The following SNX15 variants were observed in gnomAD, a reference collection of about 807,000 sequenced individuals.
SNX15 encodes the protein sorting nexin-15.
Under a neutral mutation model 35.2 loss-of-function variants are expected in SNX15, and 29 were observed. The ratio of observed to expected loss-of-function variants is 0.82; its 90% CI spans 0.61 to 1.12. SNX15 has a LOEUF of 1.12. SNX15 is among the 50% of genes most tolerant of loss of function. SNX15 has a pLI of 0.00. For synonymous variants in SNX15, 189 were observed against 188.2 expected (o/e 1.00, Z -0.03); for missense variants, 400 against 451.5 (o/e 0.89, Z 1.03).
At chr11:65,031,287 G>C (rs995199796) in intron 1 of SNX15, among the ~76,000 whole-genome samples, 1 of 152,214 alleles carries the variant, frequency 6.6e-6, no homozygotes, top group African/African-American at 2.4e-5. Flanking sequence ...GCCCCCTAAA[G>C]TGCTGGCATT....
intron 7 of SNX15, among the ~76,000 whole-genome samples, 198 bp downstream of exon 7, chr11:65,039,027 C>CTATTTTTTTTTTTTTTTTTTTTT (rs1946537688): frequency 1.5e-5 from 1 of 67,782 alleles, no homozygotes; most frequent in South Asian, 4.5e-4. Context: ...TTTCTTCTTC[C>CTATTTTTTTTTTTTTTTTTTTTT]TCTTTTTTTT....
At chr11:65,031,983 C>T (rs1319413605) in intron 1 of SNX15, among the ~76,000 whole-genome samples, 185 bp from the exon 2 acceptor site, 4 of 152,068 alleles carry the variant, frequency 2.6e-5, no homozygotes, top group Admixed American at 2.0e-4. Flanking sequence ...AACTGAGGTA[C>T]ATAGTAGGAA....
At chr11:65,033,278 C>T (rs1404440434) in intron 3 of SNX15, among the ~76,000 whole-genome samples, 2 of 151,972 alleles carry the variant, frequency 1.3e-5, no homozygotes, top group South Asian at 2.1e-4. Context: ...GGTGTGATGG[C>T]TCACACCTGT....
chr11:65,034,352 CA>C (rs1946475140), intron 3 of SNX15, among the ~76,000 whole-genome samples: 1 of 152,146 alleles, frequency 6.6e-6, no homozygotes, highest in Non-Finnish European at 1.5e-5. Flanking sequence ...TCCCAGGAGG[CA>C]GAGGTTGCAG....
chr11:65,037,894 A>G (rs1174122474), intron 6 of SNX15: 1 of 152,144 alleles, frequency 6.6e-6, no homozygotes, highest in Non-Finnish European at 1.5e-5. Context: ...AGAGGCACCC[A>G]CTTTTTCCCT....
At position 65,027,780 on chromosome 11, in the gene SNX15, TTA is replaced by T. The variant is rs200942123; in HGVS notation, c.99+145_99+146del. On this transcript the variant is annotated intron_variant, in intron 1 of 7. Transcript: ENST00000377244. ...TTAAGGGGAGGTTGCAGTACGAGGC[TTA>T]GTTTACATCTTTAACCACCAGGGGG... 0.012 allele frequency: 7,678 copies of T among 642,008 alleles called. 936 individuals carry two copies. In the Admixed American group the frequency reaches 0.19, roughly 16 times the overall value. 39.8% of individuals were successfully genotyped at this position (642,008 alleles called of 1,614,324 possible). A position where few individuals can be genotyped will look rare whatever the true frequency, so the allele number is the denominator to read the frequency against.
At chr11:65,035,446 A>T in intron 5 of SNX15, 74 bp from the exon 6 acceptor site, 1 of 1,488,834 alleles carries the variant, frequency 6.7e-7, no homozygotes, top group Non-Finnish European at 9.1e-7. Context: ...CAAGGGTTTA[A>T]GGAGAGAGTA....
At chr11:65,028,616 G>T (rs1946401535) in intron 1 of SNX15, among the ~76,000 whole-genome samples, 1 of 145,654 alleles carries the variant, frequency 6.9e-6, no homozygotes, top group South Asian at 2.2e-4. Flanking sequence ...TTGAGCTCAG[G>T]AGCTCAAGAC....
intron 3 of SNX15, among the ~76,000 whole-genome samples, chr11:65,032,977 G>A (rs1458023710): frequency 6.6e-6 from 1 of 152,180 alleles, no homozygotes; most frequent in African/African-American, 2.4e-5. Flanking sequence ...CCAGGTTCAA[G>A]GGATTCTCTT....
At chr11:65,028,407 A>C (rs1946398908) in intron 1 of SNX15, among the ~76,000 whole-genome samples, 1 of 152,254 alleles carries the variant, frequency 6.6e-6, no homozygotes, top group African/African-American at 2.4e-5. Flanking sequence ...AAGCTGGTGC[A>C]TTAGTTAACT....
intron 6 of SNX15, chr11:65,035,950 C>T (rs569252260): frequency 1.5e-5 from 5 of 342,046 alleles, no homozygotes; most frequent in African/African-American, 2.1e-5. Context: ...TGGAAAGAGC[C>T]GGGTCACACT....
Position 65,035,376 on chromosome 11 carries a change from C to A in SNX15, c.521-144C>A, listed in dbSNP as rs1946489726. The A allele has an allele frequency of 4.0e-6, 5 of 1,259,906 alleles. No individual in the cohort carries two copies. In the African/African-American group the frequency reaches 7.5e-5, roughly 19 times the overall value. 78.0% of individuals were successfully genotyped at this position (1,259,906 alleles called of 1,614,324 possible). On this transcript the variant is annotated intron_variant, in intron 5 of 7. Transcript: ENST00000377244. ...CTTTTCCTTCTCTGTGCTACAGTTT[C>A]TTGATCTGTAAAATGAGCACAAACC...
chr11:65,035,160 A>C lies in SNX15; in HGVS notation c.474A>C (p.Gln158His). Residue 158 changes from glutamine (Q) to histidine (H), a missense_variant, in exon 5 of 8, where the codon CAA (glutamine) becomes CAC (histidine). Coordinates refer to ENST00000377244, the MANE Select transcript of SNX15 (RefSeq NM_013306.5). The stretch of plus-strand genomic sequence containing the variant: ...CCCCTGATGACCCCCGGCTATCCCA[A>C]CTGCTCCCTGCAGAAAGGAGGGGCC... ...TPPPDDPRLS[Q>H]LLPAERRGLE... 1 of 1,590,460 alleles carries C rather than the reference A, an allele frequency of 6.3e-7. No homozygotes were observed. The highest frequency in any genetic ancestry group is 1.1e-5 in the South Asian group (1 of 87,822).
intron 2 of SNX15, 97 bp from the exon 3 acceptor site, chr11:65,032,334 T>G: frequency 6.3e-7 from 1 of 1,597,564 alleles, no homozygotes; most frequent in Non-Finnish European, 8.6e-7. Flanking sequence ...CTGCTGCAGC[T>G]GCTTCCTGAT....
At chr11:65,028,649 C>A (rs1204633521) in intron 1 of SNX15, among the ~76,000 whole-genome samples, 4 of 146,654 alleles carry the variant, frequency 2.7e-5, no homozygotes, top group Non-Finnish European at 4.5e-5. Context: ...CATAGTGAGA[C>A]CCCGGATCAA....
Position 65,038,672 on chromosome 11 carries a change from G to A in SNX15, c.765G>A (p.Glu255=), listed in dbSNP as rs1029240983. Residue 255 remains glutamate, a synonymous_variant, in exon 7 of 8, where the codon GAG becomes GAA. Coordinates refer to ENST00000377244, the MANE Select transcript of SNX15 (RefSeq NM_013306.5). ...DQEPWEPGGQ[E]EEEDGEGGPT... is the part of the protein sequence containing the mutation. ...AACCCTGGGAGCCAGGAGGGCAGGA[G>A]GAGGAAGAGGATGGGGAAGGAGGGC... 1.2e-6 allele frequency: 2 copies of A among 1,612,344 alleles called. No homozygotes were observed. The highest frequency in any genetic ancestry group is 1.7e-6 in the Non-Finnish European group (2 of 1,179,336).
At chr11:65,036,381 C>T (rs947476634) in intron 6 of SNX15, 5 of 152,266 alleles carry the variant, frequency 3.3e-5, no homozygotes, top group African/African-American at 1.2e-4. Flanking sequence ...GAGTCCATGT[C>T]TGTTATTCTT....
chr11:65,035,978 T>G, intron 6 of SNX15: 1 of 254,880 alleles, frequency 3.9e-6, no homozygotes. Flanking sequence ...GACATTTTAG[T>G]TCCTTCCCTG....
At chr11:65,028,158 A>G (rs1008178460) in intron 1 of SNX15, among the ~76,000 whole-genome samples, 1 of 152,240 alleles carries the variant, frequency 6.6e-6, no homozygotes, top group African/African-American at 2.4e-5. Flanking sequence ...TAGATAGGCT[A>G]GAGTTGATAT....
Sources: allele counts gnomAD v4.1 joint callset (sites outside exome capture counted in the v4.1 genomes callset), GRCh38; gene constraint gnomAD v4.1.1; transcripts MANE v1.5; gene names NCBI Gene and HGNC (gene_info 2026-07-23, HGNC 2026-07-21).